The following CACNG4 variants were observed in gnomAD, a reference collection of about 807,000 sequenced individuals.
CACNG4 encodes the protein voltage-dependent calcium channel gamma-4 subunit.
In CACNG4, 8 loss-of-function variants were observed where a neutral mutation model predicts 22.9. The ratio of observed to expected loss-of-function variants is 0.35; its 90% CI spans 0.21 to 0.63. The LOEUF (loss-of-function observed/expected upper bound fraction) is 0.63, where lower values mean the gene tolerates loss of function less well. Among genes scored for constraint, CACNG4 ranks in the 30% least tolerant of loss-of-function variants. The pLI is 0.72. For missense variants in CACNG4, 357 were observed against 455.4 expected, an observed-to-expected ratio of 0.78 and a Z score of 1.97; for synonymous variants, 188 against 191.9, an observed-to-expected ratio of 0.98 and a Z score of 0.17.
intron 1 of CACNG4, among the ~76,000 whole-genome samples, chr17:66,993,809 C>T (rs538002228): frequency 6.8e-4 from 104 of 152,176 alleles, no homozygotes; most frequent in Non-Finnish European, 6.3e-4. Context: ...TTTCACCAGA[C>T]GGCGTTTCAT....
chr17:66,987,331 A>T (rs1598107530), intron 1 of CACNG4, among the ~76,000 whole-genome samples: 1 of 152,336 alleles, frequency 6.6e-6, no homozygotes, highest in Admixed American at 6.5e-5. Context: ...TACACAATAG[A>T]GTCAACATAT....
Position 67,018,138 on chromosome 17 carries a change from G to T in CACNG4, c.221-51G>T, listed in dbSNP as rs78727776. 1.3e-3 allele frequency: 1,792 copies of T among 1,370,712 alleles called. 14 individuals are homozygous for T. In the African/African-American group the frequency reaches 0.023, roughly 17 times the overall value. 84.9% of individuals were successfully genotyped at this position (1,370,712 alleles called of 1,614,324 possible). ...GCAACCGTGTCTGGAGTGAACGGAT[G>T]AGTGAACCCAGACAGCATTTACAGT... On this transcript the variant is annotated intron_variant, in intron 1 of 3. Coordinates refer to ENST00000262138, the MANE Select transcript of CACNG4 (RefSeq NM_014405.4).
At chr17:67,025,813 T>A (rs1314491994) in intron 3 of CACNG4, among the ~76,000 whole-genome samples, 1 of 152,214 alleles carries the variant, frequency 6.6e-6, no homozygotes, top group Non-Finnish European at 1.5e-5. Flanking sequence ...GTAGATGACT[T>A]CCGTTCACAT....
intron 2 of CACNG4, among the ~76,000 whole-genome samples, chr17:67,018,607 G>A (rs1027758971): frequency 6.6e-6 from 1 of 152,186 alleles, no homozygotes; most frequent in Non-Finnish European, 1.5e-5. Flanking sequence ...CTGGAGCAAG[G>A]AAGGTTAAAG....
intron 1 of CACNG4, among the ~76,000 whole-genome samples, chr17:66,981,687 C>T (rs1437406581): frequency 6.6e-6 from 1 of 152,186 alleles, no homozygotes; most frequent in Admixed American, 6.5e-5. Flanking sequence ...GCCCTAGCTG[C>T]TTATCCATTC....
chr17:67,010,916 C>A (rs901983246), intron 1 of CACNG4, among the ~76,000 whole-genome samples: 5 of 152,110 alleles, frequency 3.3e-5, no homozygotes, highest in African/African-American at 1.2e-4. Flanking sequence ...GCAGTGTGCC[C>A]CTTTCTGAGA....
At chr17:67,001,759 A>T (rs1436869338) in intron 1 of CACNG4, among the ~76,000 whole-genome samples, 1 of 152,226 alleles carries the variant, frequency 6.6e-6, no homozygotes, top group African/African-American at 2.4e-5. Context: ...GGGGAGACGA[A>T]CTAGACATTT....
At chr17:67,020,745 A>G (rs1339469486) in intron 2 of CACNG4, among the ~76,000 whole-genome samples, 3 of 152,216 alleles carry the variant, frequency 2.0e-5, no homozygotes, top group African/African-American at 7.2e-5. Flanking sequence ...ACCACAGACA[A>G]CTGGCATGTG....
intron 1 of CACNG4, among the ~76,000 whole-genome samples, chr17:67,002,053 C>T (rs2035411379): frequency 2.0e-5 from 3 of 152,154 alleles, no homozygotes; most frequent in Admixed American, 2.0e-4. Flanking sequence ...GGAGTGTATT[C>T]ATCCATTTTC....
At position 66,988,031 on chromosome 17, in the gene CACNG4, CTT is replaced by C. The variant is rs200135739; in HGVS notation, c.220+22904_220+22905del. On this transcript the variant is annotated intron_variant, in intron 1 of 3. Coordinates refer to ENST00000262138, the MANE Select transcript of CACNG4 (RefSeq NM_014405.4). Reference sequence around the variant, plus strand: ...AGAGTGTGCTTTATGGCTATACATCCTTTTTGTGTGTGTGTGTGTGTGTATAT... The same window carrying C: ...AGAGTGTGCTTTATGGCTATACATCCTTTGTGTGTGTGTGTGTGTGTATAT... Among the ~76,000 whole-genome samples the C allele has an allele frequency of 9.3e-3, 1,394 of 149,162 alleles. 31 individuals are homozygous for C. The highest frequency in any genetic ancestry group is 0.034 in the African/African-American group (1,342 of 39,264).
chr17:66,971,267 T>A (rs1358253168), intron 1 of CACNG4, among the ~76,000 whole-genome samples: 1 of 148,710 alleles, frequency 6.7e-6, no homozygotes, highest in Non-Finnish European at 1.5e-5. Flanking sequence ...TGAGGAGGGG[T>A]TTCCAGCCAG....
At chr17:66,972,054 C>T (rs772468554) in intron 1 of CACNG4, among the ~76,000 whole-genome samples, 43 of 152,110 alleles carry the variant, frequency 2.8e-4, no homozygotes, top group Admixed American at 1.4e-3. Flanking sequence ...AGGGATGGCC[C>T]GGAGAAGGGG....
At chr17:67,015,651 G>A (rs2035493036) in intron 1 of CACNG4, among the ~76,000 whole-genome samples, 1 of 152,210 alleles carries the variant, frequency 6.6e-6, no homozygotes, top group Non-Finnish European at 1.5e-5. Flanking sequence ...GGAAGGGTGT[G>A]CCCACGAAGG....
chr17:66,987,253 A>T (rs1014886650), intron 1 of CACNG4, among the ~76,000 whole-genome samples: 1 of 152,194 alleles, frequency 6.6e-6, no homozygotes, highest in Non-Finnish European at 1.5e-5. Flanking sequence ...TTTCTATTGC[A>T]ATTGGGTTCA....
intron 1 of CACNG4, among the ~76,000 whole-genome samples, chr17:67,010,377 T>A (rs2035461767): frequency 6.6e-6 from 1 of 152,082 alleles, no homozygotes. Context: ...ACACAGAACG[T>A]CTTGGAGCTC....
chr17:66,999,019 G>A (rs1207798691), intron 1 of CACNG4, among the ~76,000 whole-genome samples: 1 of 152,148 alleles, frequency 6.6e-6, no homozygotes, highest in Non-Finnish European at 1.5e-5. Flanking sequence ...GGGGCAGAGT[G>A]GTTTAGGCTC....
intron 2 of CACNG4, chr17:67,021,811 CT>C (rs1567759058): frequency 1.3e-5 from 2 of 152,282 alleles, no homozygotes; most frequent in Non-Finnish European, 2.9e-5. Flanking sequence ...GTCTTGTCTC[CT>C]GGCAGATGCA....
intron 1 of CACNG4, among the ~76,000 whole-genome samples, chr17:66,980,447 G>T (rs189517409): frequency 1.3e-4 from 20 of 152,170 alleles, no homozygotes; most frequent in African/African-American, 4.1e-4. Flanking sequence ...CTTAATATGT[G>T]ACTCCGATGA....
intron 1 of CACNG4, among the ~76,000 whole-genome samples, chr17:67,004,148 A>G (rs1198314772): frequency 1.3e-5 from 2 of 152,168 alleles, no homozygotes; most frequent in Non-Finnish European, 2.9e-5. Context: ...GAAGAAAGAA[A>G]CAACAACAAC....
Sources: gnomAD v4.1 joint callset for allele counts (sites outside exome capture counted in the v4.1 genomes callset) on GRCh38, gnomAD v4.1.1 for gene constraint, MANE v1.5 for transcripts, NCBI Gene and HGNC (gene_info 2026-07-23, HGNC 2026-07-21) for gene names.